Variants in NKAIN3 observed in about 807,000 individuals in gnomAD.
NKAIN3 encodes the protein sodium/potassium transporting ATPase interacting 3.
A neutral mutation model predicts 30.2 loss-of-function variants in NKAIN3; 25 were observed. That is an observed-to-expected ratio of 0.83 (90% confidence interval 0.60 to 1.16). NKAIN3 has a LOEUF of 1.16. Among genes scored for constraint, NKAIN3 ranks in the 50% most tolerant of loss-of-function variants. The pLI, the probability that NKAIN3 is intolerant of heterozygous loss-of-function variation, is 0.00. For missense variants in NKAIN3, 225 were observed against 254.1 expected (o/e 0.89, Z 0.78); for synonymous variants, 91 against 89.6 (o/e 1.02, Z -0.09).
At position 62,848,274 on chromosome 8, in the gene NKAIN3, C is replaced by T. The variant is rs182094503; in HGVS notation, c.472-70179C>T. 6.2e-3 allele frequency among the ~76,000 whole-genome samples: 942 copies of T among 152,194 alleles called. 12 individuals are homozygous for T. Among genetic ancestry groups the T allele is most frequent in the African/African-American group, 0.02 (843 of 41,544 alleles). On this transcript the variant is annotated intron_variant, in intron 4 of 6. Coordinates refer to ENST00000623646, the MANE Select transcript of NKAIN3 (RefSeq NM_001304533.3). ...TATAAATTGCTTTGGGCAGTATGGC[C>T]GTTTTCACGATATTGATTCTATCCA...
At chr8:62,711,284 C>G (rs1471355211) in intron 3 of NKAIN3, among the ~76,000 whole-genome samples, 1 of 152,178 alleles carries the variant, frequency 6.6e-6, no homozygotes, top group Non-Finnish European at 1.5e-5. Context: ...GTCTAGGTCT[C>G]TAGAAAGGCT....
At chr8:62,527,135 G>A (rs1326563143) in intron 1 of NKAIN3, among the ~76,000 whole-genome samples, 1 of 152,196 alleles carries the variant, frequency 6.6e-6, no homozygotes, top group Non-Finnish European at 1.5e-5. Context: ...CAGACTGCGT[G>A]TCAATCCCAT....
At chr8:62,362,448 C>G (rs1305878791) in intron 1 of NKAIN3, among the ~76,000 whole-genome samples, 1 of 152,222 alleles carries the variant, frequency 6.6e-6, no homozygotes, top group East Asian at 1.9e-4. Flanking sequence ...GAGGAAACAG[C>G]AACTGCAGGA....
intron 4 of NKAIN3, among the ~76,000 whole-genome samples, chr8:62,851,036 T>C (rs1819878630): frequency 6.6e-6 from 1 of 152,046 alleles, no homozygotes; most frequent in South Asian, 2.1e-4. Context: ...AATCTCTAAA[T>C]TACCTTGGGC....
intron 3 of NKAIN3, among the ~76,000 whole-genome samples, chr8:62,597,591 T>A (rs768736554): frequency 6.6e-6 from 1 of 152,076 alleles, no homozygotes; most frequent in South Asian, 2.1e-4. Context: ...TGAATAGGTA[T>A]TTTTTACCAA....
intron 1 of NKAIN3, among the ~76,000 whole-genome samples, chr8:62,499,673 A>C (rs1290940787): frequency 6.6e-6 from 1 of 152,154 alleles, no homozygotes; most frequent in African/African-American, 2.4e-5. Context: ...GTTAGTGACA[A>C]GATTAGGACT....
chr8:62,504,170 G>A (rs938699002), intron 1 of NKAIN3, among the ~76,000 whole-genome samples: 2 of 152,120 alleles, frequency 1.3e-5, no homozygotes, highest in Non-Finnish European at 2.9e-5. Context: ...TGCTCCTTAT[G>A]AGAATCTAAT....
intron 1 of NKAIN3, among the ~76,000 whole-genome samples, chr8:62,432,923 A>C (rs1232785264): frequency 2.0e-5 from 3 of 152,160 alleles, no homozygotes; most frequent in East Asian, 3.9e-4. Context: ...CTATGTCCCT[A>C]CCAGCCATTT....
chr8:62,277,189 A>G (rs1412755129), intron 1 of NKAIN3, among the ~76,000 whole-genome samples: 1 of 152,218 alleles, frequency 6.6e-6, no homozygotes. Context: ...TATTTCAGCT[A>G]CATTTTTAAT....
chr8:62,646,194 T>C (rs1244718713), intron 3 of NKAIN3, among the ~76,000 whole-genome samples: 1 of 149,354 alleles, frequency 6.7e-6, no homozygotes, highest in Non-Finnish European at 1.5e-5. Flanking sequence ...TCTCTGGTCA[T>C]GTGTCTTTCC....
intron 1 of NKAIN3, among the ~76,000 whole-genome samples, chr8:62,561,498 G>T (rs1294994211): frequency 1.3e-5 from 2 of 152,108 alleles, no homozygotes; most frequent in African/African-American, 4.8e-5. Flanking sequence ...CTCCACATGT[G>T]TTTAATAAAA....
chr8:62,839,216 C>T (rs968690863), intron 4 of NKAIN3, among the ~76,000 whole-genome samples: 10 of 109,364 alleles, frequency 9.1e-5, no homozygotes, highest in South Asian at 2.9e-4. Context: ...TATTTACGCA[C>T]GCTTAATTTT....
At chr8:62,914,181 G>T (rs747039491) in intron 4 of NKAIN3, among the ~76,000 whole-genome samples, 3 of 152,124 alleles carry the variant, frequency 2.0e-5, no homozygotes, top group South Asian at 2.1e-4. Flanking sequence ...TAACGAAATC[G>T]TATCTTTTGT....
At chr8:62,562,303 T>A (rs827699) in intron 1 of NKAIN3, among the ~76,000 whole-genome samples, 54,850 of 151,968 alleles carry the variant, frequency 0.36, 10,316 homozygotes, top group African/African-American at 0.48. Context: ...TGTTTAAAAG[T>A]GTTTGTCCCT....
chr8:62,947,686 C>G (rs1050461275), intron 5 of NKAIN3, among the ~76,000 whole-genome samples: 12 of 152,158 alleles, frequency 7.9e-5, no homozygotes, highest in Admixed American at 1.3e-4. Context: ...TTCTGCCTGG[C>G]TATATTTGGT....
chr8:62,681,225 G>A (rs1813634429), intron 3 of NKAIN3, among the ~76,000 whole-genome samples: 1 of 152,188 alleles, frequency 6.6e-6, no homozygotes, highest in African/African-American at 2.4e-5. Flanking sequence ...TAGAAATTGT[G>A]TTTGTAACTG....
chr8:62,415,830 T>C (rs1336769680), intron 1 of NKAIN3, among the ~76,000 whole-genome samples: 2 of 151,896 alleles, frequency 1.3e-5, no homozygotes, highest in East Asian at 3.9e-4. Flanking sequence ...CGATCTCGGC[T>C]CACGGCAAGC....
intron 3 of NKAIN3, among the ~76,000 whole-genome samples, chr8:62,662,671 G>A (rs1812982608): frequency 6.6e-6 from 1 of 152,138 alleles, no homozygotes; most frequent in Non-Finnish European, 1.5e-5. Context: ...ATACAATCTA[G>A]TGAGTGACCC....
chr8:62,861,683 G>A (rs950367644), intron 4 of NKAIN3, among the ~76,000 whole-genome samples: 1 of 152,180 alleles, frequency 6.6e-6, no homozygotes, highest in Non-Finnish European at 1.5e-5. Context: ...CCAGGTACAT[G>A]TATTCATGAT....
Sources: gnomAD v4.1 joint callset for allele counts (sites outside exome capture counted in the v4.1 genomes callset) on GRCh38, gnomAD v4.1.1 for gene constraint, MANE v1.5 for transcripts, NCBI Gene and HGNC (gene_info 2026-07-23, HGNC 2026-07-21) for gene names.